Variants in SCAPER observed in about 807,000 individuals in gnomAD.
SCAPER encodes the protein S-phase cyclin A associated protein in the ER, also known as S phase cyclin A-associated protein in the endoplasmic reticulum.
A neutral mutation model predicts 182.2 loss-of-function variants in SCAPER; 98 were observed. The ratio of observed to expected loss-of-function variants is 0.54; its 90% CI spans 0.46 to 0.64. The LOEUF (loss-of-function observed/expected upper bound fraction) is 0.64. Among genes scored for constraint, SCAPER ranks in the 30% least tolerant of loss-of-function variants. SCAPER has a pLI of 0.00. For synonymous variants in SCAPER, 605 were observed against 564.6 expected, an observed-to-expected ratio of 1.07 and a Z score of -1.01; for missense variants, 1,432 against 1,690.0, an observed-to-expected ratio of 0.85 and a Z score of 2.68.
chr15:76,748,460 C>T (rs1375245493), intron 15 of SCAPER, among the ~76,000 whole-genome samples: 2 of 151,918 alleles, frequency 1.3e-5, no homozygotes, highest in Non-Finnish European at 2.9e-5. Context: ...ATAATTATTT[C>T]TTAGCACCAA....
intron 4 of SCAPER, among the ~76,000 whole-genome samples, chr15:76,854,803 C>CAA (rs35484908): frequency 0.26 from 30,174 of 117,872 alleles, 4,180 homozygotes; most frequent in East Asian, 0.51. Context: ...ACTAAAAATA[C>CAA]AAAAAAAAAA....
intron 28 of SCAPER, among the ~76,000 whole-genome samples, chr15:76,378,000 T>C (rs2042686503): frequency 6.6e-6 from 1 of 152,222 alleles, no homozygotes; most frequent in Non-Finnish European, 1.5e-5. Flanking sequence ...CAAATAGTCT[T>C]GTGAGGTAGG....
intron 29 of SCAPER, among the ~76,000 whole-genome samples, chr15:76,366,548 C>G (rs562172402): frequency 3.9e-5 from 6 of 152,302 alleles, no homozygotes; most frequent in African/African-American, 1.2e-4. Context: ...CATCTCTCTG[C>G]TCTAAGTATA....
chr15:76,570,583 A>C (rs910590087), intron 23 of SCAPER, among the ~76,000 whole-genome samples: 2 of 152,064 alleles, frequency 1.3e-5, no homozygotes, highest in Non-Finnish European at 2.9e-5. Flanking sequence ...TTTCAAGCTT[A>C]CCTTTTATTT....
chr15:76,467,146 C>T (rs2049737774), intron 25 of SCAPER, among the ~76,000 whole-genome samples: 1 of 152,194 alleles, frequency 6.6e-6, no homozygotes, highest in Admixed American at 6.5e-5. Context: ...TTCTCAAGGA[C>T]TGTACAGCCT....
At chr15:76,512,865 GAA>G (rs1038821410) in intron 23 of SCAPER, among the ~76,000 whole-genome samples, 4 of 36,360 alleles carry the variant, frequency 1.1e-4, no homozygotes, top group African/African-American at 2.4e-4. Flanking sequence ...AGCTTTTCCA[GAA>G]AAAAAAAAAA....
chr15:76,540,682 G>A (rs1393748806), intron 23 of SCAPER, among the ~76,000 whole-genome samples: 1 of 151,734 alleles, frequency 6.6e-6, no homozygotes, highest in Non-Finnish European at 1.5e-5. Flanking sequence ...ACACATTTCT[G>A]TATTGTCTAG....
At chr15:76,708,063 A>G (rs2059353206) in intron 17 of SCAPER, among the ~76,000 whole-genome samples, 1 of 151,974 alleles carries the variant, frequency 6.6e-6, no homozygotes, top group African/African-American at 2.4e-5. Context: ...TGGTTCTAGG[A>G]CACCCCCCCA....
At chr15:76,855,447 T>C (rs1381652862) in intron 4 of SCAPER, among the ~76,000 whole-genome samples, 1 of 119,342 alleles carries the variant, frequency 8.4e-6, no homozygotes, top group Non-Finnish European at 1.7e-5. Flanking sequence ...ACTTAAGAGC[T>C]TCTGCACAGC....
chr15:76,421,551 T>C (rs1168713348), intron 26 of SCAPER, among the ~76,000 whole-genome samples: 2 of 152,194 alleles, frequency 1.3e-5, no homozygotes, highest in Non-Finnish European at 2.9e-5. Flanking sequence ...ATTGCAAAAA[T>C]TTTCTCCCAT....
chr15:76,569,773 T>C (rs1291798325), intron 23 of SCAPER, among the ~76,000 whole-genome samples: 1 of 152,106 alleles, frequency 6.6e-6, no homozygotes, highest in African/African-American at 2.4e-5. Flanking sequence ...TTATGATCTA[T>C]CTTCCAGTGC....
At chr15:76,857,254 G>A (rs992706439) in intron 4 of SCAPER, among the ~76,000 whole-genome samples, 8 of 151,958 alleles carry the variant, frequency 5.3e-5, no homozygotes, top group African/African-American at 1.9e-4. Context: ...CCAACATGGT[G>A]AAACCCCGTC....
chr15:76,652,629 T>C (rs893084521), intron 21 of SCAPER, among the ~76,000 whole-genome samples: 7 of 148,770 alleles, frequency 4.7e-5, no homozygotes, highest in Admixed American at 3.4e-4. Flanking sequence ...GAGAATCACT[T>C]AGAGCGGGGA....
At chr15:76,726,142 TATATATATATATAA>T (rs1253316007) in intron 17 of SCAPER, among the ~76,000 whole-genome samples, 20 of 126,270 alleles carry the variant, frequency 1.6e-4, no homozygotes, top group South Asian at 9.9e-4. Context: ...TATATATATA[TATATATATATATAA>T]AAAACTCTAT....
chr15:76,418,109 C>A (rs532848001), intron 26 of SCAPER, among the ~76,000 whole-genome samples: 17 of 152,230 alleles, frequency 1.1e-4, no homozygotes, highest in Admixed American at 1.0e-3. Flanking sequence ...CCCCTCCACC[C>A]CAACAGGAAG....
At chr15:76,519,447 A>C (rs2042678878) in intron 23 of SCAPER, among the ~76,000 whole-genome samples, 3 of 152,206 alleles carry the variant, frequency 2.0e-5, no homozygotes, top group Admixed American at 2.0e-4. Flanking sequence ...TTATCAGGGG[A>C]ATCAGGTAGA....
intron 2 of SCAPER, among the ~76,000 whole-genome samples, chr15:76,879,419 G>A (rs1051293600): frequency 6.6e-6 from 1 of 152,144 alleles, no homozygotes; most frequent in Non-Finnish European, 1.5e-5. Context: ...ATCCAGAGGT[G>A]AGCATGTGAC....
chr15:76,601,626 T>A (rs1413624314), intron 22 of SCAPER, among the ~76,000 whole-genome samples: 4 of 121,666 alleles, frequency 3.3e-5, no homozygotes, highest in African/African-American at 1.0e-4. Flanking sequence ...CAGAACATAT[T>A]TTCATTGTTA....
At chr15:76,630,494 T>C (rs1250565346) in intron 21 of SCAPER, among the ~76,000 whole-genome samples, 1 of 152,204 alleles carries the variant, frequency 6.6e-6, no homozygotes, top group East Asian at 1.9e-4. Flanking sequence ...TTCTGGCACG[T>C]TGTCTCTTTG....
Sources: gnomAD v4.1 joint callset for allele counts (sites outside exome capture counted in the v4.1 genomes callset) on GRCh38, gnomAD v4.1.1 for gene constraint, MANE v1.5 for transcripts, NCBI Gene and HGNC (gene_info 2026-07-23, HGNC 2026-07-21) for gene names.